Variants in DDAH1 observed in about 807,000 individuals in gnomAD.
The protein encoded by DDAH1 is N(G),N(G)-dimethylarginine dimethylaminohydrolase 1.
A neutral mutation model predicts 28.8 loss-of-function variants in DDAH1; 19 were observed. The ratio of observed to expected loss-of-function variants is 0.66; its 90% CI spans 0.46 to 0.97. DDAH1 has a LOEUF of 0.97. DDAH1 is among the 50% of genes least tolerant of loss of function. The pLI, the probability that DDAH1 is intolerant of heterozygous loss-of-function variation, is 0.00. For synonymous variants in DDAH1, 153 were observed against 154.4 expected, an observed-to-expected ratio of 0.99 and a Z score of 0.07; for missense variants, 326 against 375.9, an observed-to-expected ratio of 0.87 and a Z score of 1.10.
At chr1:85,533,647 A>G (rs1294673288) in intron 1 of DDAH1, among the ~76,000 whole-genome samples, 1 of 152,188 alleles carries the variant, frequency 6.6e-6, no homozygotes, top group African/African-American at 2.4e-5. Context: ...CAGAATAAAT[A>G]ATCCTGGGAG....
At chr1:85,572,012 CTG>C (rs1659471650) in intron 1 of DDAH1, among the ~76,000 whole-genome samples, 1 of 152,100 alleles carries the variant, frequency 6.6e-6, no homozygotes, top group South Asian at 2.1e-4. Context: ...CTTAGTAACT[CTG>C]TTGTGAGGAT....
chr1:85,441,457 C>T (rs574133487), intron 1 of DDAH1, among the ~76,000 whole-genome samples: 53 of 152,168 alleles, frequency 3.5e-4, no homozygotes, highest in African/African-American at 1.3e-3. Flanking sequence ...AGGAAAATCA[C>T]CAGAACCCAG....
intron 1 of DDAH1, among the ~76,000 whole-genome samples, chr1:85,443,103 T>C (rs1370438399): frequency 6.6e-6 from 1 of 152,250 alleles, no homozygotes; most frequent in Admixed American, 6.5e-5. Context: ...TCCTTGCCTA[T>C]GCCTATGTCC....
intron 1 of DDAH1, among the ~76,000 whole-genome samples, chr1:85,412,717 A>T (rs1361256411): frequency 6.6e-6 from 1 of 152,162 alleles, no homozygotes; most frequent in Non-Finnish European, 1.5e-5. Flanking sequence ...AAATATTTTG[A>T]GGGCCAGGCA....
chr1:85,481,848 A>T (rs1656025512), intron 2 of DDAH1, among the ~76,000 whole-genome samples: 1 of 152,246 alleles, frequency 6.6e-6, no homozygotes, highest in Admixed American at 6.5e-5. Flanking sequence ...TTCTCTCCTC[A>T]TCTTGGTCTG....
chr1:85,430,111 G>A (rs915336952), intron 1 of DDAH1, among the ~76,000 whole-genome samples: 9 of 152,236 alleles, frequency 5.9e-5, no homozygotes, highest in African/African-American at 1.9e-4. Flanking sequence ...TCAGTTTTCT[G>A]CATATGGCTA....
intron 2 of DDAH1, among the ~76,000 whole-genome samples, chr1:85,479,813 C>T (rs1488392950): frequency 1.3e-5 from 2 of 152,214 alleles, no homozygotes; most frequent in East Asian, 3.9e-4. Context: ...TCTGTTTGGC[C>T]CTGCTTGGGA....
intron 5 of DDAH1, among the ~76,000 whole-genome samples, chr1:85,323,437 T>C (rs1331196631): frequency 6.6e-6 from 1 of 152,154 alleles, no homozygotes; most frequent in Admixed American, 6.5e-5. Flanking sequence ...TGGCAGAGTA[T>C]GCTGAAAAAC....
At chr1:85,418,656 C>A (rs114921714) in intron 1 of DDAH1, among the ~76,000 whole-genome samples, 2 of 152,208 alleles carry the variant, frequency 1.3e-5, no homozygotes, top group Non-Finnish European at 2.9e-5. Context: ...TTCTCTCTAG[C>A]AAGCTGGAAA....
At position 85,346,127 on chromosome 1, in the gene DDAH1, A is replaced by AC. The variant is rs570873305; in HGVS notation, c.597+4287dup. ...CCTTGGGGCTCTCAGCTTTACCTAA[A>AC]CATGTAAGAAGTAGATTCTGAAGGA... On this transcript the variant is annotated intron_variant, in intron 4 of 5. Transcript: ENST00000284031. Among the ~76,000 whole-genome samples the AC allele has an allele frequency of 8.2e-4, 125 of 152,330 alleles. 1 individual carries two copies. The Middle Eastern group carries it at 0.01, about 12-fold the overall frequency.
chr1:85,330,740 A>C (rs1457053121), intron 4 of DDAH1, among the ~76,000 whole-genome samples: 1 of 152,178 alleles, frequency 6.6e-6, no homozygotes, highest in Non-Finnish European at 1.5e-5. Flanking sequence ...AACTAATTTG[A>C]GTGATTATTA....
At chr1:85,354,732 A>C (rs1649400285) in intron 2 of DDAH1, among the ~76,000 whole-genome samples, 1 of 152,076 alleles carries the variant, frequency 6.6e-6, no homozygotes, top group Non-Finnish European at 1.5e-5. Context: ...CAAAACATTT[A>C]AAAAAACTAA....
intron 2 of DDAH1, among the ~76,000 whole-genome samples, chr1:85,485,787 C>T (rs1570599156): frequency 6.6e-6 from 1 of 152,238 alleles, no homozygotes; most frequent in East Asian, 1.9e-4. Context: ...ATTATGAAGC[C>T]ATGTTTATGC....
At chr1:85,337,802 A>C (rs1252400550) in intron 4 of DDAH1, among the ~76,000 whole-genome samples, 1 of 152,184 alleles carries the variant, frequency 6.6e-6, no homozygotes, top group Non-Finnish European at 1.5e-5. Context: ...TATCCATTTT[A>C]ATAACTCTGA....
At chr1:85,462,981 T>C (rs1438736909) in intron 1 of DDAH1, among the ~76,000 whole-genome samples, 2 of 152,244 alleles carry the variant, frequency 1.3e-5, no homozygotes, top group South Asian at 2.1e-4. Context: ...TTCAGGTAGA[T>C]TAATACATCT....
chr1:85,574,232 G>A (rs1458860264), intron 1 of DDAH1, among the ~76,000 whole-genome samples: 1 of 152,190 alleles, frequency 6.6e-6, no homozygotes, highest in Non-Finnish European at 1.5e-5. Flanking sequence ...CCTGAGTCAT[G>A]GCATGGTGTT....
At position 85,379,592 on chromosome 1, in the gene DDAH1, AAG is replaced by A. The variant is rs2100905074; in HGVS notation, c.304-20747_304-20746del. 7 of 985,392 alleles carry A rather than the reference AAG, an allele frequency of 7.1e-6. No homozygotes were observed. The South Asian group carries it at 2.8e-4, about 40-fold the overall frequency. The allele number at this position is 985,392 out of a possible 1,614,324, so 61.0% of individuals were successfully genotyped here. A position where few individuals can be genotyped will look rare whatever the true frequency, so the allele number is the denominator to read the frequency against. On this transcript the variant is annotated intron_variant, in intron 1 of 5. Transcript: ENST00000284031. ...CACGGAACACTTACATAACTTGTGA[AAG>A]AGTCAGCCTGCAGAGCCACACCACA... is the stretch of plus-strand genomic sequence containing the variant.
chr1:85,450,392 G>A (rs554884231), intron 1 of DDAH1, among the ~76,000 whole-genome samples: 4 of 152,200 alleles, frequency 2.6e-5, no homozygotes, highest in African/African-American at 7.2e-5. Context: ...CTTTACAGGT[G>A]ACCGAAGCTT....
intron 4 of DDAH1, among the ~76,000 whole-genome samples, chr1:85,335,461 A>C (rs1648045163): frequency 6.6e-6 from 1 of 152,196 alleles, no homozygotes; most frequent in African/African-American, 2.4e-5. Flanking sequence ...ATGGGCTGAA[A>C]GTAAAGGGAC....
Sources: allele counts gnomAD v4.1 joint callset (sites outside exome capture counted in the v4.1 genomes callset), GRCh38; gene constraint gnomAD v4.1.1; transcripts MANE v1.5; gene names NCBI Gene and HGNC (gene_info 2026-07-23, HGNC 2026-07-21).